The following PCDH9 variants were observed in gnomAD, a reference collection of about 807,000 sequenced individuals.
PCDH9 encodes the protein protocadherin 9.
A neutral mutation model predicts 70.6 loss-of-function variants in PCDH9; 24 were observed. That is an observed-to-expected ratio of 0.34 (90% CI 0.25 to 0.48). The LOEUF is 0.48. Among genes scored for constraint, PCDH9 ranks in the 20% least tolerant of loss-of-function variants. PCDH9 has a pLI of 0.99. For synonymous variants in PCDH9, 562 were observed against 558.5 expected, an observed-to-expected ratio of 1.01 and a Z score of -0.09; for missense variants, 1,281 against 1,503.6, an observed-to-expected ratio of 0.85 and a Z score of 2.45.
At chr13:67,157,030 A>G (rs1278203843) in intron 2 of PCDH9, among the ~76,000 whole-genome samples, 1 of 152,234 alleles carries the variant, frequency 6.6e-6, no homozygotes, top group Non-Finnish European at 1.5e-5. Context: ...TACTTGTATT[A>G]TAATATTTTA....
At chr13:66,463,159 T>G (rs770664216) in intron 4 of PCDH9, among the ~76,000 whole-genome samples, 1 of 151,838 alleles carries the variant, frequency 6.6e-6, no homozygotes, top group South Asian at 2.1e-4. Context: ...AACTACCTCC[T>G]TAGGGATATA....
intron 3 of PCDH9, among the ~76,000 whole-genome samples, chr13:66,835,479 C>A (rs908199761): frequency 1.3e-5 from 2 of 152,160 alleles, no homozygotes; most frequent in African/African-American, 4.8e-5. Flanking sequence ...GTATTTGGGT[C>A]TGTCATTGTG....
At chr13:67,009,914 G>A (rs1167720311) in intron 2 of PCDH9, among the ~76,000 whole-genome samples, 21 of 151,968 alleles carry the variant, frequency 1.4e-4, no homozygotes, top group Non-Finnish European at 5.9e-5. Flanking sequence ...ATAAAGAAAT[G>A]TCCTACCAGC....
chr13:66,607,250 T>C (rs2077232259), intron 4 of PCDH9, among the ~76,000 whole-genome samples: 1 of 152,098 alleles, frequency 6.6e-6, no homozygotes, highest in Non-Finnish European at 1.5e-5. Flanking sequence ...AATTCAAGCT[T>C]CAGTTTTTTC....
chr13:66,976,151 C>G (rs920192980), intron 2 of PCDH9, among the ~76,000 whole-genome samples: 6 of 152,226 alleles, frequency 3.9e-5, no homozygotes, highest in African/African-American at 9.6e-5. Flanking sequence ...TGCCTACTGT[C>G]TCATCCAATC....
At chr13:66,753,872 G>A (rs956081936) in intron 3 of PCDH9, among the ~76,000 whole-genome samples, 8 of 151,920 alleles carry the variant, frequency 5.3e-5, no homozygotes, top group African/African-American at 1.9e-4. Flanking sequence ...ACACACATGG[G>A]GATGAATAAA....
chr13:66,953,358 A>G (rs2083215146), intron 2 of PCDH9, among the ~76,000 whole-genome samples: 1 of 152,164 alleles, frequency 6.6e-6, no homozygotes, highest in Non-Finnish European at 1.5e-5. Flanking sequence ...CCATATCCCC[A>G]GTGCCTGTAG....
chr13:67,059,470 G>A (rs979082040), intron 2 of PCDH9, among the ~76,000 whole-genome samples: 1 of 148,412 alleles, frequency 6.7e-6, no homozygotes, highest in Admixed American at 6.8e-5. Context: ...ATACAGCAAG[G>A]TATGGAATGC....
chr13:67,066,062 T>C (rs1024724203), intron 2 of PCDH9, among the ~76,000 whole-genome samples: 2 of 152,192 alleles, frequency 1.3e-5, no homozygotes, highest in African/African-American at 4.8e-5. Flanking sequence ...TAAACACCCC[T>C]ACCTTAAGAA....
At chr13:67,069,585 T>C (rs2085718533) in intron 2 of PCDH9, among the ~76,000 whole-genome samples, 1 of 152,176 alleles carries the variant, frequency 6.6e-6, no homozygotes, top group Admixed American at 6.6e-5. Flanking sequence ...CCCTCCTGCT[T>C]CCCAGTCCAT....
chr13:66,768,517 A>G (rs1419987270), intron 3 of PCDH9, among the ~76,000 whole-genome samples: 3 of 152,112 alleles, frequency 2.0e-5, no homozygotes, highest in Admixed American at 6.6e-5. Flanking sequence ...TTCTACTCCT[A>G]TAAAGCTGTG....
intron 2 of PCDH9, among the ~76,000 whole-genome samples, chr13:66,973,895 A>G (rs906751767): frequency 6.6e-6 from 1 of 151,300 alleles, no homozygotes; most frequent in Non-Finnish European, 1.5e-5. Flanking sequence ...CACACTGTCC[A>G]TTTGAAAACA....
At chr13:66,878,266 G>A (rs1328659801) in intron 3 of PCDH9, among the ~76,000 whole-genome samples, 2 of 151,128 alleles carry the variant, frequency 1.3e-5, no homozygotes, top group Admixed American at 6.6e-5. Flanking sequence ...TCATTCTGTC[G>A]CCCAGGCTGG....
intron 4 of PCDH9, among the ~76,000 whole-genome samples, chr13:66,390,631 G>T (rs1316001101): frequency 6.6e-6 from 1 of 151,838 alleles, no homozygotes; most frequent in Non-Finnish European, 1.5e-5. Context: ...AGCTACTTGG[G>T]AGGCTGAGTT....
At chr13:67,073,575 AACT>A (rs1244194067) in intron 2 of PCDH9, among the ~76,000 whole-genome samples, 1 of 152,094 alleles carries the variant, frequency 6.6e-6, no homozygotes, top group Admixed American at 6.6e-5. Context: ...TCTCTTATAT[AACT>A]ATGTGCAATA....
At chr13:66,349,527 C>T (rs1050670012) in intron 4 of PCDH9, among the ~76,000 whole-genome samples, 26 of 152,182 alleles carry the variant, frequency 1.7e-4, no homozygotes, top group African/African-American at 5.6e-4. Context: ...GCTTTTTTCA[C>T]AGCAGCAGAG....
intron 2 of PCDH9, among the ~76,000 whole-genome samples, chr13:66,932,659 CATATAT>C (rs199791250): frequency 6.1e-5 from 8 of 130,334 alleles, no homozygotes; most frequent in African/African-American, 1.9e-4. Flanking sequence ...TAAATCCTCA[CATATAT>C]ATATATATAT....
At chr13:66,479,158 G>A (rs1188776291) in intron 4 of PCDH9, among the ~76,000 whole-genome samples, 1 of 152,176 alleles carries the variant, frequency 6.6e-6, no homozygotes, top group Non-Finnish European at 1.5e-5. Flanking sequence ...TATCTTTTGA[G>A]AGCATGGTTT....
At chr13:66,707,627 T>C (rs2139121693) in intron 3 of PCDH9, among the ~76,000 whole-genome samples, 1 of 152,310 alleles carries the variant, frequency 6.6e-6, no homozygotes, top group African/African-American at 2.4e-5. Context: ...CCAGAGAGAT[T>C]ATCAAGATTG....
Sources: gnomAD v4.1 joint callset for allele counts (sites outside exome capture counted in the v4.1 genomes callset) on GRCh38, gnomAD v4.1.1 for gene constraint, MANE v1.5 for transcripts, NCBI Gene and HGNC (gene_info 2026-07-23, HGNC 2026-07-21) for gene names.